MACROD1: variants seen among roughly 807,000 people sequenced by gnomAD.
The protein encoded by MACROD1 is mono-ADP ribosylhydrolase 1, also known as ADP-ribose glycohydrolase MACROD1.
MACROD1 carries 31 observed loss-of-function variants against 41.4 expected under a neutral mutation model. The observed-to-expected ratio is 0.75, with a 90% CI of 0.56 to 1.01. The LOEUF is 1.01. MACROD1 is among the 50% of genes least tolerant of loss of function. The pLI is 0.00. For synonymous variants in MACROD1, 252 were observed against 203.4 expected (o/e 1.24, Z -2.03); for missense variants, 473 against 460.0 (o/e 1.03, Z -0.26).
At chr11:64,001,652 G>A (rs1415863036) in intron 4 of MACROD1, 4 of 701,380 alleles carry the variant, frequency 5.7e-6, no homozygotes, top group Non-Finnish European at 1.0e-5. Flanking sequence ...TGGGCAGAGA[G>A]GTTAGGGGAA....
At chr11:64,023,064 G>C (rs2134352574) in intron 3 of MACROD1, among the ~76,000 whole-genome samples, 1 of 152,030 alleles carries the variant, frequency 6.6e-6, no homozygotes, top group South Asian at 2.1e-4. Context: ...GTTTCACCAT[G>C]TTGGCCAGGC....
chr11:64,125,823 C>T (rs1945170429), intron 3 of MACROD1, among the ~76,000 whole-genome samples: 1 of 152,226 alleles, frequency 6.6e-6, no homozygotes, highest in African/African-American at 2.4e-5. Flanking sequence ...AAATCCAGAT[C>T]CCAGGCGACA....
chr11:64,158,870 C>A (rs913706484), intron 1 of MACROD1, among the ~76,000 whole-genome samples: 1 of 152,094 alleles, frequency 6.6e-6, no homozygotes, highest in African/African-American at 2.4e-5. Context: ...TAAAGAAGTG[C>A]CTCAAAACTG....
intron 3 of MACROD1, among the ~76,000 whole-genome samples, chr11:64,104,845 C>T (rs751521903): frequency 6.6e-6 from 1 of 152,142 alleles, no homozygotes; most frequent in African/African-American, 2.4e-5. Flanking sequence ...TCCTCCCTGC[C>T]GCTGAGGAGG....
chr11:64,130,192 GATT>G (rs1945245271), intron 3 of MACROD1, among the ~76,000 whole-genome samples: 1 of 152,184 alleles, frequency 6.6e-6, no homozygotes, highest in Non-Finnish European at 1.5e-5. Context: ...TTATCACTGA[GATT>G]AGGGGCACGT....
At chr11:64,080,614 G>GGGTTACGTTTATGATAC (rs1309017263) in intron 3 of MACROD1, among the ~76,000 whole-genome samples, 3 of 152,186 alleles carry the variant, frequency 2.0e-5, no homozygotes, top group African/African-American at 7.2e-5. Flanking sequence ...CAGCAAGGGA[G>GGGTTACGTTTATGATAC]GGTTACGTTT....
chr11:64,013,895 T>G (rs1005632911), intron 4 of MACROD1, among the ~76,000 whole-genome samples: 1 of 152,056 alleles, frequency 6.6e-6, no homozygotes, highest in Non-Finnish European at 1.5e-5. Context: ...TCCCTCAGAT[T>G]GCAGAGGAGG....
At chr11:64,117,797 G>A (rs754469253) in intron 3 of MACROD1, 1 of 1,614,182 alleles carries the variant, frequency 6.2e-7, no homozygotes, top group East Asian at 2.2e-5. Flanking sequence ...TGGTCACCAT[G>A]GAGACCAGCA....
intron 3 of MACROD1, among the ~76,000 whole-genome samples, chr11:64,049,321 C>T (rs1943646203): frequency 6.6e-6 from 1 of 152,208 alleles, no homozygotes; most frequent in African/African-American, 2.4e-5. Context: ...GGGGATTGAA[C>T]AGGGTCCTAC....
chr11:64,110,740 G>A (rs1565237188), intron 3 of MACROD1, among the ~76,000 whole-genome samples: 1 of 152,200 alleles, frequency 6.6e-6, no homozygotes, highest in Non-Finnish European at 1.5e-5. Flanking sequence ...AGGGATCCAC[G>A]CAAGGGCGAC....
At chr11:64,085,512 C>G (rs921712023) in intron 3 of MACROD1, among the ~76,000 whole-genome samples, 11 of 152,184 alleles carry the variant, frequency 7.2e-5, no homozygotes, top group Non-Finnish European at 1.0e-4. Context: ...GATTGTCCAC[C>G]CAAATTAAAT....
chr11:64,091,556 G>A (rs1213352963), intron 3 of MACROD1, among the ~76,000 whole-genome samples: 1 of 152,114 alleles, frequency 6.6e-6, no homozygotes, highest in African/African-American at 2.4e-5. Flanking sequence ...GGAGAGCTGG[G>A]CCAGTCCTTC....
intron 3 of MACROD1, chr11:64,138,418 C>T (rs1045656855): frequency 3.3e-5 from 25 of 768,806 alleles, no homozygotes; most frequent in Non-Finnish European, 3.8e-5. Flanking sequence ...AAGCTCTCCT[C>T]ACAAATGTCA....
chr11:64,132,923 G>A (rs994178793), intron 3 of MACROD1, among the ~76,000 whole-genome samples: 2 of 152,200 alleles, frequency 1.3e-5, no homozygotes, highest in African/African-American at 2.4e-5. Context: ...CTTGCCCAAG[G>A]CAATGGTGAC....
intron 3 of MACROD1, among the ~76,000 whole-genome samples, chr11:64,130,443 T>C (rs1279805538): frequency 6.6e-6 from 1 of 152,114 alleles, no homozygotes; most frequent in Non-Finnish European, 1.5e-5. Context: ...CTGCCCCTAC[T>C]TCCCAGGAGG....
intron 1 of MACROD1, among the ~76,000 whole-genome samples, chr11:64,152,934 C>T (rs1945605147): frequency 6.6e-6 from 1 of 152,168 alleles, no homozygotes; most frequent in Non-Finnish European, 1.5e-5. Flanking sequence ...CCCCAACATC[C>T]CCCCCGGCAG....
At chr11:64,060,362 C>T (rs1943876512) in intron 3 of MACROD1, 1 of 152,242 alleles carries the variant, frequency 6.6e-6, no homozygotes, top group Admixed American at 6.5e-5. Context: ...AGCAGAACAC[C>T]AGCCTTTCTG....
intron 3 of MACROD1, among the ~76,000 whole-genome samples, chr11:64,037,327 C>CGGCGGCCGCGGGGGA (rs1565203922): frequency 6.6e-6 from 1 of 152,048 alleles, no homozygotes; most frequent in Non-Finnish European, 1.5e-5. Flanking sequence ...TGTCTCTGCC[C>CGGCGGCCGCGGGGGA]GGCGGCCGCG....
At chr11:64,142,840 G>A (rs920042377) in intron 3 of MACROD1, among the ~76,000 whole-genome samples, 7 of 152,042 alleles carry the variant, frequency 4.6e-5, no homozygotes, top group African/African-American at 1.7e-4. Context: ...ACTGGGCCGG[G>A]CATGGTGGCT....
Sources: allele counts gnomAD v4.1 joint callset (sites outside exome capture counted in the v4.1 genomes callset), GRCh38; gene constraint gnomAD v4.1.1; transcripts MANE v1.5; gene names NCBI Gene and HGNC (gene_info 2026-07-23, HGNC 2026-07-21).